Variants in ZHX2 observed in about 807,000 individuals in gnomAD.
ZHX2 encodes zinc fingers and homeoboxes protein 2.
Under a neutral mutation model 21.9 loss-of-function variants are expected in ZHX2, and 6 were observed. The ratio of observed to expected loss-of-function variants is 0.27; its 90% CI spans 0.15 to 0.54. The LOEUF is 0.54. Among genes scored for constraint, ZHX2 ranks in the 20% least tolerant of loss-of-function variants. The pLI is 0.95. For missense variants in ZHX2, 908 were observed against 1,090.7 expected (o/e 0.83, Z 2.36); for synonymous variants, 434 against 437.1 (o/e 0.99, Z 0.09).
At chr8:122,868,625 C>T (rs1166938286) in intron 2 of ZHX2, among the ~76,000 whole-genome samples, 1 of 150,706 alleles carries the variant, frequency 6.6e-6, no homozygotes, top group African/African-American at 2.4e-5. Flanking sequence ...GGCGAGAACC[C>T]GGGAGGCGGA....
intron 1 of ZHX2, among the ~76,000 whole-genome samples, chr8:122,823,493 G>A (rs1818198716): frequency 6.6e-6 from 1 of 152,194 alleles, no homozygotes; most frequent in African/African-American, 2.4e-5. Context: ...TTGGGGGTGG[G>A]TGATAAGACT....
At chr8:122,908,203 T>C (rs777482366) in intron 2 of ZHX2, among the ~76,000 whole-genome samples, 1 of 152,056 alleles carries the variant, frequency 6.6e-6, no homozygotes, top group Non-Finnish European at 1.5e-5. Flanking sequence ...CTTGGTTTGT[T>C]TGTTTGTTTG....
intron 1 of ZHX2, among the ~76,000 whole-genome samples, chr8:122,831,276 G>A (rs990852384): frequency 6.6e-6 from 1 of 152,194 alleles, no homozygotes; most frequent in Non-Finnish European, 1.5e-5. Context: ...TGGTGGGTAG[G>A]AAAAGGCGGC....
At chr8:122,907,216 G>C (rs561088783) in intron 2 of ZHX2, among the ~76,000 whole-genome samples, 4 of 152,126 alleles carry the variant, frequency 2.6e-5, no homozygotes, top group Non-Finnish European at 5.9e-5. Context: ...AGGAAGTCCT[G>C]ATGACATGTG....
intron 1 of ZHX2, among the ~76,000 whole-genome samples, chr8:122,829,104 A>G (rs116548766): frequency 0.023 from 3,432 of 152,324 alleles, 116 homozygotes; most frequent in African/African-American, 0.079. Context: ...AATGAGGACT[A>G]TATGTAACAT....
At chr8:122,930,994 G>A (rs908691047) in intron 2 of ZHX2, among the ~76,000 whole-genome samples, 1 of 152,062 alleles carries the variant, frequency 6.6e-6, no homozygotes, top group African/African-American at 2.4e-5. Context: ...CCTGGCCTGA[G>A]GGCTGTTCCA....
rs1369485711 is a variant in ZHX2 at position 122,879,671 on chromosome 8, G to A, written c.-220+16132G>A. On this transcript the variant is annotated intron_variant, in intron 2 of 3. Coordinates refer to ENST00000314393, the MANE Select transcript of ZHX2 (RefSeq NM_014943.5). The stretch of plus-strand genomic sequence containing the variant: ...CTTTCTCAGAGTGGCAAAGGCAGAT[G>A]TTACCCCAGCCCTATTTCTACCTCT... Among the ~76,000 whole-genome samples, 3 of 152,128 alleles carry A rather than the reference G, an allele frequency of 2.0e-5. No individual in the cohort carries two copies. The East Asian group carries it at 5.8e-4, about 29-fold the overall frequency.
rs755250714 is a variant in ZHX2 at position 122,953,685 on chromosome 8, T to C, written c.2175T>C (p.Asp725=). ...CCGAGAGCCCAAAGAACGGGGGTGA[T>C]GTGGTTCCACAATATTACAAGGACC... ...PMAESPKNGG[D]VVPQYYKDPK... is the part of the protein sequence containing the mutation. Residue 725 remains aspartate (D), a synonymous_variant, in exon 3 of 4, where the codon GAT becomes GAC. Transcript: ENST00000314393. This position sits in a 1 kb window ranked among gnomAD's most constrained non-coding sequence, Gnocchi z 4.6. 5.0e-6 allele frequency: 8 copies of C among 1,614,040 alleles called. No individual in the cohort carries two copies. Among genetic ancestry groups the C allele is most frequent in the Non-Finnish European group, 6.8e-6 (8 of 1,180,042 alleles).
intron 1 of ZHX2, among the ~76,000 whole-genome samples, chr8:122,796,027 T>C (rs1260944636): frequency 2.0e-5 from 3 of 151,946 alleles, no homozygotes; most frequent in African/African-American, 7.3e-5. Context: ...AAAAATTAGC[T>C]GGGCATGGTG....
At chr8:122,849,293 C>T (rs1051420453) in intron 1 of ZHX2, among the ~76,000 whole-genome samples, 5 of 152,158 alleles carry the variant, frequency 3.3e-5, no homozygotes, top group African/African-American at 9.7e-5. Context: ...GCTAGACATT[C>T]CCAGCTCTGC....
rs140399644 is a variant in ZHX2, at chr8:122,973,531, A to G, written c.*294A>G. The G allele has an allele frequency of 4.2e-3, 647 of 152,704 alleles. 1 individual carries two copies. Among genetic ancestry groups the G allele is most frequent in the South Asian group, 0.019 (94 of 4,824 alleles). The allele number at this position is 152,704 out of a possible 1,614,324, so 9.5% of individuals were successfully genotyped here. ...CTCACCTCTTGCTATACTGGAACCG[A>G]TTTGTACAATGTGGGAATTTTGTTA... On this transcript the variant is annotated 3_prime_UTR_variant, in exon 4 of 4. Transcript: ENST00000314393.
intron 1 of ZHX2, among the ~76,000 whole-genome samples, chr8:122,862,943 G>A (rs1452083242): frequency 6.6e-6 from 1 of 152,124 alleles, no homozygotes; most frequent in Non-Finnish European, 1.5e-5. Flanking sequence ...TTTTTCTTGC[G>A]GCTACAGCTC....
Position 122,954,349 on chromosome 8 carries a change from C to G in ZHX2, c.*4+321C>G, listed in dbSNP as rs557216315. 2.0e-3 allele frequency among the ~76,000 whole-genome samples: 311 copies of G among 152,120 alleles called. 1 individual carries two copies. The highest frequency in any genetic ancestry group is 2.9e-3 in the Non-Finnish European group (194 of 68,006). ...TAGTGACAGAGTCTTGCTCTGCCAC[C>G]CAGGCTGCAGTGCAGTGGCTCGATC... is the stretch of plus-strand genomic sequence containing the variant. On this transcript the variant is annotated intron_variant, in intron 3 of 3. Coordinates refer to ENST00000314393, the MANE Select transcript of ZHX2 (RefSeq NM_014943.5).
intron 2 of ZHX2, among the ~76,000 whole-genome samples, chr8:122,895,595 C>T (rs976792680): frequency 6.6e-6 from 1 of 152,178 alleles, no homozygotes; most frequent in African/African-American, 2.4e-5. Context: ...ACCTAGCTAG[C>T]ATCCTGGTGT....
chr8:122,812,755 G>A (rs987084832), intron 1 of ZHX2, among the ~76,000 whole-genome samples: 3 of 152,194 alleles, frequency 2.0e-5, no homozygotes, highest in African/African-American at 7.2e-5. Context: ...AAATCCTGGA[G>A]GAGGGAAGGA....
chr8:122,955,075 G>GGGGC (rs1813262060), intron 3 of ZHX2, among the ~76,000 whole-genome samples: 1 of 137,506 alleles, frequency 7.3e-6, no homozygotes, highest in African/African-American at 2.6e-5. Flanking sequence ...AAGCCGGGGG[G>GGGGC]GGGGGGGTGG....
chr8:122,826,365 T>G (rs570835180), intron 1 of ZHX2, among the ~76,000 whole-genome samples: 1 of 152,306 alleles, frequency 6.6e-6, no homozygotes, highest in South Asian at 2.1e-4. Flanking sequence ...CAGGAGACAC[T>G]GTACCAGGCG....
chr8:122,784,719 T>C (rs1817359571), intron 1 of ZHX2, among the ~76,000 whole-genome samples: 3 of 152,224 alleles, frequency 2.0e-5, no homozygotes, highest in South Asian at 2.1e-4. Flanking sequence ...CCCAAGTGCT[T>C]ATGACTAGAC....
intron 2 of ZHX2, among the ~76,000 whole-genome samples, chr8:122,905,074 A>G (rs576824929): frequency 3.3e-5 from 5 of 152,364 alleles, no homozygotes; most frequent in African/African-American, 1.2e-4. Flanking sequence ...AAGATAGAAT[A>G]TTAGAAATAA....
Sources: allele counts gnomAD v4.1 joint callset (sites outside exome capture counted in the v4.1 genomes callset), GRCh38; gene constraint gnomAD v4.1.1; non-coding constraint Gnocchi (gnomAD v3.1); transcripts MANE v1.5; gene names NCBI Gene and HGNC (gene_info 2026-07-23, HGNC 2026-07-21).